PMEPA1: variants seen among roughly 807,000 people sequenced by gnomAD.
PMEPA1 encodes the protein protein TMEPAI.
In PMEPA1, 11 loss-of-function variants were observed where a neutral mutation model predicts 23.0. The ratio of observed to expected loss-of-function variants is 0.48; its 90% CI spans 0.30 to 0.79. The LOEUF (loss-of-function observed/expected upper bound fraction) is 0.79. PMEPA1 is among the 30% of genes least tolerant of loss of function. PMEPA1 has a pLI of 0.06. For missense variants in PMEPA1, 377 were observed against 390.9 expected, an observed-to-expected ratio of 0.96 and a Z score of 0.30; for synonymous variants, 204 against 166.4, an observed-to-expected ratio of 1.23 and a Z score of -1.74.
intron 1 of PMEPA1, among the ~76,000 whole-genome samples, chr20:57,677,196 G>C (rs1474589749): frequency 6.6e-6 from 1 of 152,196 alleles, no homozygotes; most frequent in African/African-American, 2.4e-5. Context: ...GCAGAGTATG[G>C]TCAGGAGCAT....
rs1173341458 is a variant in PMEPA1 at position 57,651,216 on chromosome 20, T to G, written c.*837A>C. 1 of 152,258 alleles carries G rather than the reference T, an allele frequency of 6.6e-6. No individual in the cohort carries two copies. The highest frequency in any genetic ancestry group is 1.5e-5 in the Non-Finnish European group (1 of 68,036). 9.4% of individuals were successfully genotyped at this position (152,258 alleles called of 1,614,324 possible). A position where few individuals can be genotyped will look rare whatever the true frequency, so the allele number is the denominator to read the frequency against. ...CTCCTTCGGTAGGGAATATATAACG[T>G]GGTGATAACCTGTCACTAGGCAGAA... On this transcript the variant is annotated 3_prime_UTR_variant, in exon 4 of 4. Transcript: ENST00000341744.
At chr20:57,674,781 T>C (rs978664563) in intron 1 of PMEPA1, among the ~76,000 whole-genome samples, 14 of 152,216 alleles carry the variant, frequency 9.2e-5, no homozygotes, top group Non-Finnish European at 7.3e-5. Flanking sequence ...TGCCAGGCCC[T>C]GCATGAGCAC....
At chr20:57,666,291 T>C (rs886823416) in intron 1 of PMEPA1, among the ~76,000 whole-genome samples, 3 of 152,046 alleles carry the variant, frequency 2.0e-5, no homozygotes, top group Non-Finnish European at 4.4e-5. Context: ...CTGTTTGTCC[T>C]ACACTGGCAG....
chr20:57,672,942 G>C (rs118074607), intron 1 of PMEPA1, among the ~76,000 whole-genome samples: 1 of 152,326 alleles, frequency 6.6e-6, no homozygotes, highest in East Asian at 1.9e-4. Flanking sequence ...TAGCACCCAC[G>C]CACGGGTTGC....
rs2071351576 is a variant in PMEPA1, at chr20:57,658,002, C to A, written c.264+1541G>T. On this transcript the variant is annotated intron_variant, in intron 2 of 3. Transcript: ENST00000341744. Reference sequence around the variant, plus strand: ...TGCCCCACGTGGTTGAGTTACACATCCTGGGTGCAGAGATGGAAGCCATTA... The same window carrying A: ...TGCCCCACGTGGTTGAGTTACACATACTGGGTGCAGAGATGGAAGCCATTA... Among the ~76,000 whole-genome samples, 3 of 152,346 alleles carry A rather than the reference C, an allele frequency of 2.0e-5. No homozygotes were observed. In the South Asian group the frequency reaches 6.2e-4, roughly 32 times the overall value.
chr20:57,693,698 A>C (rs2071911480), intron 1 of PMEPA1, among the ~76,000 whole-genome samples: 1 of 151,198 alleles, frequency 6.6e-6, no homozygotes, highest in Non-Finnish European at 1.5e-5. Flanking sequence ...AGAACAATTA[A>C]ATTAAGGAGA....
rs199971799 is a variant in PMEPA1 at position 57,660,240 on chromosome 20, TAAAC to T, written c.110-547_110-544del. Reference sequence around the variant, plus strand: ...GTTTGGGAGTGAAGCTTTGTGGAATTAAACAAAGAGGAGCTACATGTGAACGTGT... The same window carrying T: ...GTTTGGGAGTGAAGCTTTGTGGAATTAAAGAGGAGCTACATGTGAACGTGT... On this transcript the variant is annotated intron_variant, in intron 1 of 3. Coordinates refer to ENST00000341744, the MANE Select transcript of PMEPA1 (RefSeq NM_020182.5). Among the ~76,000 whole-genome samples, 1,047 of 152,128 alleles carry T rather than the reference TAAAC, an allele frequency of 6.9e-3. 10 individuals are homozygous for T. Among genetic ancestry groups the T allele is most frequent in the African/African-American group, 0.024 (1,002 of 41,462 alleles).
rs2071329233 is a variant in PMEPA1, at chr20:57,656,543, A to G, written c.264+3000T>C. Among the ~76,000 whole-genome samples, 2 of 152,120 alleles carry G rather than the reference A, an allele frequency of 1.3e-5. No homozygotes were observed. The highest frequency in any genetic ancestry group is 2.9e-5 in the Non-Finnish European group (2 of 68,018). ...CCGTGGCTGGGCGGTCACTGCAGTGACGTTCTGCATCATGTCCCGAATACC... is the reference window on the plus strand; with the variant it reads ...CCGTGGCTGGGCGGTCACTGCAGTGGCGTTCTGCATCATGTCCCGAATACC... On this transcript the variant is annotated intron_variant, in intron 2 of 3. Transcript: ENST00000341744. This position sits in a 1 kb window ranked among gnomAD's most constrained non-coding sequence, Gnocchi z 4.7.
rs1404287321 is a variant in PMEPA1 at position 57,704,829 on chromosome 20, G to T, written c.109+4645C>A. Among the ~76,000 whole-genome samples, 1 of 152,210 alleles carries T rather than the reference G, an allele frequency of 6.6e-6. No individual in the cohort carries two copies. The highest frequency in any genetic ancestry group is 1.5e-5 in the Non-Finnish European group (1 of 68,044). ...GTGGCTCTGGGGCAATTTGGTGGCG[G>T]GTGCATCTTGCAGCATGGAGGCTTC... On this transcript the variant is annotated intron_variant, in intron 1 of 3. Coordinates refer to ENST00000341744, the MANE Select transcript of PMEPA1 (RefSeq NM_020182.5). This position sits in a 1 kb window ranked among gnomAD's most constrained non-coding sequence, Gnocchi z 4.6.
chr20:57,649,546 G>A lies in PMEPA1; in HGVS notation c.*2507C>T, dbSNP rs3764686. 13,785 of 152,248 alleles carry A rather than the reference G, an allele frequency of 0.091. 853 individuals carry two copies. Among genetic ancestry groups the A allele is most frequent in the East Asian group, 0.34 (1,776 of 5,150 alleles). 9.4% of individuals were successfully genotyped at this position (152,248 alleles called of 1,614,324 possible). On this transcript the variant is annotated 3_prime_UTR_variant, in exon 4 of 4. Coordinates refer to ENST00000341744, the MANE Select transcript of PMEPA1 (RefSeq NM_020182.5). ...TTCCCACAAATCCAGACCATACCAT[G>A]AAGCAACGAGACCCAAACAGTTTGG...
intron 1 of PMEPA1, among the ~76,000 whole-genome samples, chr20:57,675,055 A>T (rs1436205751): frequency 6.6e-6 from 1 of 152,006 alleles, no homozygotes; most frequent in Non-Finnish European, 1.5e-5. Context: ...ATCTCATTTA[A>T]TTTTCTCAGC....
At chr20:57,678,530 A>G (rs2071669446) in intron 1 of PMEPA1, among the ~76,000 whole-genome samples, 1 of 152,170 alleles carries the variant, frequency 6.6e-6, no homozygotes, top group Non-Finnish European at 1.5e-5. Context: ...GGAGGGTAAG[A>G]GCCGAAACAG....
intron 1 of PMEPA1, among the ~76,000 whole-genome samples, chr20:57,680,252 T>C (rs2071694459): frequency 6.6e-6 from 1 of 152,216 alleles, no homozygotes; most frequent in Admixed American, 6.5e-5. Flanking sequence ...AAGGAGCCGC[T>C]TTGGGGAGTC....
intron 1 of PMEPA1, among the ~76,000 whole-genome samples, chr20:57,670,616 G>A (rs910434452): frequency 2.0e-5 from 3 of 152,082 alleles, no homozygotes; most frequent in African/African-American, 7.2e-5. Context: ...ACTCCCACTT[G>A]GCCCCCTGCC....
intron 1 of PMEPA1, among the ~76,000 whole-genome samples, chr20:57,673,637 C>A (rs2071599194): frequency 6.6e-6 from 1 of 152,174 alleles, no homozygotes; most frequent in Non-Finnish European, 1.5e-5. Flanking sequence ...CAAGCACAGG[C>A]CACCACCACG....
rs2072141211 is a variant in PMEPA1 at position 57,709,653 on chromosome 20, C to T, written c.-71G>A. On this transcript the variant is annotated 5_prime_UTR_variant, in exon 1 of 4. Transcript: ENST00000341744. ...GCCGGGGGGGGCTCCGGCCGGCGCC[C>T]GGAGCTGGGGCCCCGCATGCAGGAG... 2.1e-5 allele frequency: 20 copies of T among 975,296 alleles called. No homozygotes were observed. Among genetic ancestry groups the T allele is most frequent in the Non-Finnish European group, 2.3e-5 (19 of 823,320 alleles). 60.4% of individuals were successfully genotyped at this position (975,296 alleles called of 1,614,324 possible).
chr20:57,684,251 G>A (rs1221108736), intron 1 of PMEPA1, among the ~76,000 whole-genome samples: 1 of 151,854 alleles, frequency 6.6e-6, no homozygotes, highest in African/African-American at 2.4e-5. Context: ...CAATGGTAAT[G>A]ACAATAGTTT....
chr20:57,674,589 A>AGTGT (rs2071611538), intron 1 of PMEPA1, among the ~76,000 whole-genome samples: 1 of 152,148 alleles, frequency 6.6e-6, no homozygotes, highest in Non-Finnish European at 1.5e-5. Flanking sequence ...TCCCAGCTAC[A>AGTGT]CCCCTTTGGG....
chr20:57,684,083 A>G (rs992877446), intron 1 of PMEPA1, among the ~76,000 whole-genome samples: 1 of 152,176 alleles, frequency 6.6e-6, no homozygotes, highest in African/African-American at 2.4e-5. Flanking sequence ...TCTGGCAGAA[A>G]TGAGACGCAG....
Sources: gnomAD v4.1 joint callset for allele counts (sites outside exome capture counted in the v4.1 genomes callset) on GRCh38, gnomAD v4.1.1 for gene constraint, Gnocchi (gnomAD v3.1) non-coding constraint, MANE v1.5 for transcripts, NCBI Gene and HGNC (gene_info 2026-07-23, HGNC 2026-07-21) for gene names.